The following RALYL variants were observed in gnomAD, a reference collection of about 807,000 sequenced individuals.
RALYL encodes the protein RNA-binding Raly-like protein.
Under a neutral mutation model 35.1 loss-of-function variants are expected in RALYL, and 29 were observed. The observed-to-expected ratio is 0.83, with a 90% CI of 0.61 to 1.13. The LOEUF (loss-of-function observed/expected upper bound fraction) is 1.13. Ranked by LOEUF, RALYL falls within the 50% of genes most tolerant of loss-of-function variation. RALYL has a pLI of 0.00. For missense variants in RALYL, 359 were observed against 360.4 expected (o/e 1.00, Z 0.03); for synonymous variants, 120 against 127.6 (o/e 0.94, Z 0.40).
intron 2 of RALYL, among the ~76,000 whole-genome samples, chr8:84,662,225 T>G (rs1254637316): frequency 6.6e-6 from 1 of 152,128 alleles, no homozygotes; most frequent in East Asian, 1.9e-4. Flanking sequence ...ACCTGGCTTA[T>G]CATGGGCTTC....
intron 2 of RALYL, among the ~76,000 whole-genome samples, chr8:84,763,967 G>A (rs1813286973): frequency 6.6e-6 from 1 of 151,558 alleles, no homozygotes; most frequent in Non-Finnish European, 1.5e-5. Flanking sequence ...GCAAATCAAA[G>A]GTGTTTTGAC....
intron 4 of RALYL, among the ~76,000 whole-genome samples, chr8:84,814,909 A>T (rs1826825634): frequency 6.6e-6 from 1 of 152,234 alleles, no homozygotes; most frequent in Admixed American, 6.5e-5. Flanking sequence ...CTGTTTGCAC[A>T]GGTAGATCAA....
chr8:84,788,895 A>T (rs1820166810), intron 3 of RALYL, among the ~76,000 whole-genome samples: 1 of 152,208 alleles, frequency 6.6e-6, no homozygotes, highest in South Asian at 2.1e-4. Context: ...TGGAATGAGC[A>T]ATCAGGAATG....
At chr8:84,527,475 A>G (rs1457124117) in intron 1 of RALYL, among the ~76,000 whole-genome samples, 1 of 152,216 alleles carries the variant, frequency 6.6e-6, no homozygotes. Flanking sequence ...AACTATAAGA[A>G]TTGTTTACCC....
intron 8 of RALYL, among the ~76,000 whole-genome samples, chr8:84,901,208 T>C (rs1336670087): frequency 6.6e-6 from 1 of 152,176 alleles, no homozygotes; most frequent in East Asian, 1.9e-4. Context: ...ATACAATTTT[T>C]CTAAAGTAAA....
chr8:84,258,447 T>C (rs1018204070), intron 1 of RALYL, among the ~76,000 whole-genome samples: 2 of 152,220 alleles, frequency 1.3e-5, no homozygotes, highest in East Asian at 3.9e-4. Flanking sequence ...AAGTGCTTAG[T>C]TGAAGATGAA....
chr8:84,403,203 C>A (rs1270551590), intron 1 of RALYL, among the ~76,000 whole-genome samples: 1 of 151,988 alleles, frequency 6.6e-6, no homozygotes, highest in Non-Finnish European at 1.5e-5. Flanking sequence ...GTTGCAATTG[C>A]TTTTGATGTT....
intron 1 of RALYL, among the ~76,000 whole-genome samples, chr8:84,387,628 A>T (rs964549270): frequency 1.3e-5 from 2 of 151,474 alleles, no homozygotes. Context: ...ATATGTGTAA[A>T]CTATTCAGAG....
intron 1 of RALYL, among the ~76,000 whole-genome samples, chr8:84,397,851 T>C (rs1365961893): frequency 1.3e-5 from 2 of 152,194 alleles, no homozygotes; most frequent in Non-Finnish European, 2.9e-5. Context: ...GAGAGACCCA[T>C]ACTTCCTTTT....
At chr8:84,393,918 A>G (rs540021937) in intron 1 of RALYL, among the ~76,000 whole-genome samples, 1 of 152,098 alleles carries the variant, frequency 6.6e-6, no homozygotes, top group Non-Finnish European at 1.5e-5. Flanking sequence ...TTTTTATTAT[A>G]TATCTACTTA....
intron 1 of RALYL, among the ~76,000 whole-genome samples, chr8:84,462,815 C>G (rs949425264): frequency 2.6e-5 from 4 of 151,822 alleles, no homozygotes; most frequent in African/African-American, 9.6e-5. Context: ...TTTCTAGCCA[C>G]TTTTATAATG....
Position 84,833,542 on chromosome 8 carries a change from G to A in RALYL, c.366-16438G>A, listed in dbSNP as rs905756554. On this transcript the variant is annotated intron_variant, in intron 4 of 8. Coordinates refer to ENST00000521268, the MANE Select transcript of RALYL (RefSeq NM_173848.7). ...AGTCCCAGCTACTCGGGAGGCTGAGGCAGGAGAATTGCTTGAACCCAGGAG... is the reference window on the plus strand; with the variant it reads ...AGTCCCAGCTACTCGGGAGGCTGAGACAGGAGAATTGCTTGAACCCAGGAG... Among the ~76,000 whole-genome samples the A allele has an allele frequency of 3.3e-5, 5 of 151,726 alleles. No individual in the cohort carries two copies. In the South Asian group the frequency reaches 1.0e-3, roughly 32 times the overall value.
chr8:84,657,136 A>G (rs1452897672), intron 2 of RALYL, among the ~76,000 whole-genome samples: 2 of 152,206 alleles, frequency 1.3e-5, no homozygotes, highest in Non-Finnish European at 2.9e-5. Flanking sequence ...TCTAGTGAAT[A>G]GTAACAAATC....
At chr8:84,858,861 T>G (rs1233383108) in intron 5 of RALYL, among the ~76,000 whole-genome samples, 1 of 152,160 alleles carries the variant, frequency 6.6e-6, no homozygotes, top group African/African-American at 2.4e-5. Context: ...TCTTCCCTCC[T>G]TTTATTTCTA....
intron 1 of RALYL, among the ~76,000 whole-genome samples, chr8:84,302,634 C>T (rs1184171543): frequency 6.6e-6 from 1 of 152,122 alleles, no homozygotes; most frequent in African/African-American, 2.4e-5. Flanking sequence ...CAGTGGAAAG[C>T]CATTTACGGG....
chr8:84,545,272 CTG>C (rs1163515107), intron 2 of RALYL, among the ~76,000 whole-genome samples: 1 of 152,040 alleles, frequency 6.6e-6, no homozygotes, highest in East Asian at 1.9e-4. Flanking sequence ...ATTTGCTTTT[CTG>C]TTCCATTGGT....
At chr8:84,493,977 C>G (rs2055664458) in intron 1 of RALYL, among the ~76,000 whole-genome samples, 1 of 151,938 alleles carries the variant, frequency 6.6e-6, no homozygotes, top group South Asian at 2.1e-4. Flanking sequence ...AAATCTTTGC[C>G]CATGCCTATG....
At chr8:84,231,974 T>C (rs1825469672) in intron 1 of RALYL, among the ~76,000 whole-genome samples, 1 of 152,076 alleles carries the variant, frequency 6.6e-6, no homozygotes, top group African/African-American at 2.4e-5. Context: ...ATAATAAAGG[T>C]GACATTTAGG....
chr8:84,201,210 TAGAA>T (rs2131006464), intron 1 of RALYL, among the ~76,000 whole-genome samples: 1 of 150,360 alleles, frequency 6.7e-6, no homozygotes, highest in Non-Finnish European at 1.5e-5. Context: ...ATAACATGAA[TAGAA>T]AGAAATACTT....
Sources: gnomAD v4.1 joint callset for allele counts (sites outside exome capture counted in the v4.1 genomes callset) on GRCh38, gnomAD v4.1.1 for gene constraint, MANE v1.5 for transcripts, NCBI Gene and HGNC (gene_info 2026-07-23, HGNC 2026-07-21) for gene names.